The following ZMYM4 variants were observed in gnomAD, a reference collection of about 807,000 sequenced individuals.
ZMYM4 encodes zinc finger MYM-type containing 4, also known as zinc finger MYM-type protein 4.
In ZMYM4, 31 loss-of-function variants were observed where a neutral mutation model predicts 183.2. The ratio of observed to expected loss-of-function variants is 0.17; its 90% CI spans 0.13 to 0.23. The LOEUF is 0.23. Among genes scored for constraint, ZMYM4 ranks in the 10% least tolerant of loss-of-function variants. The pLI, the probability that ZMYM4 is intolerant of heterozygous loss-of-function variation, is 1.00. For synonymous variants in ZMYM4, 592 were observed against 631.2 expected, an observed-to-expected ratio of 0.94 and a Z score of 0.93; for missense variants, 1,273 against 1,840.3, an observed-to-expected ratio of 0.69 and a Z score of 5.64.
chr1:35,395,631 A>G (rs1644795985), intron 18 of ZMYM4, among the ~76,000 whole-genome samples: 1 of 152,218 alleles, frequency 6.6e-6, no homozygotes, highest in Non-Finnish European at 1.5e-5. Flanking sequence ...TAAAAAAATC[A>G]TGAGTCAGAA....
intron 1 of ZMYM4, among the ~76,000 whole-genome samples, chr1:35,279,642 A>T (rs1328842073): frequency 1.3e-5 from 2 of 152,108 alleles, no homozygotes; most frequent in African/African-American, 4.8e-5. Context: ...CTTGTATTTT[A>T]CTATAAATAT....
chr1:35,308,934 A>C (rs1292290968), intron 1 of ZMYM4: 8 of 981,374 alleles, frequency 8.2e-6, no homozygotes, highest in Non-Finnish European at 9.7e-6. Flanking sequence ...AATAATACCA[A>C]ATAATTGACA....
In ZMYM4 at chr1:35,381,630, C is replaced by G; in HGVS notation, c.1441C>G (p.Leu481Val). 6.2e-7 allele frequency: 1 copy of G among 1,614,228 alleles called. No individual in the cohort carries two copies. Among genetic ancestry groups the G allele is most frequent in the Non-Finnish European group, 8.5e-7 (1 of 1,180,048 alleles). ...CFSKFRSANN[L>V]TMNCCENCGG... ...CTCTAAGTTTCGTTCTGCTAACAAC[C>G]TCACCATGAACTGTTGTGAGAACTG... Residue 481 changes from leucine to valine, a missense_variant, in exon 9 of 30, where the codon CTC (leucine) becomes GTC (valine). Around this residue, in one of 6 missense-constraint regions of ZMYM4, gnomAD observed 319 missense variants for 518.1 expected, o/e 0.62. Transcript: ENST00000314607.
At chr1:35,279,059 C>A (rs952894915) in intron 1 of ZMYM4, among the ~76,000 whole-genome samples, 2 of 152,174 alleles carry the variant, frequency 1.3e-5, no homozygotes, top group African/African-American at 4.8e-5. Flanking sequence ...GTGGCTTGAT[C>A]CTCTGCCCTC....
intron 25 of ZMYM4, among the ~76,000 whole-genome samples, chr1:35,405,788 A>G (rs1405941863): frequency 6.7e-6 from 1 of 150,134 alleles, no homozygotes; most frequent in Non-Finnish European, 1.5e-5. Context: ...TTTAAGAAAA[A>G]TACCTGGAAA....
At chr1:35,280,009 C>T (rs1045124941) in intron 1 of ZMYM4, among the ~76,000 whole-genome samples, 2 of 152,198 alleles carry the variant, frequency 1.3e-5, no homozygotes, top group Admixed American at 6.5e-5. Flanking sequence ...TTAAGGCAGT[C>T]TGTACTTTTC....
At chr1:35,367,562 C>T (rs1186191497) in intron 5 of ZMYM4, among the ~76,000 whole-genome samples, 1 of 152,056 alleles carries the variant, frequency 6.6e-6, no homozygotes, top group African/African-American at 2.4e-5. Flanking sequence ...GTTAGGATAG[C>T]ATGATATCAT....
intron 2 of ZMYM4, among the ~76,000 whole-genome samples, chr1:35,349,697 G>T (rs369940370): frequency 6.6e-6 from 1 of 151,766 alleles, no homozygotes; most frequent in South Asian, 2.1e-4. Context: ...AGGCGTGGTG[G>T]TGGGCACCTG....
intron 21 of ZMYM4, 73 bp downstream of exon 21, chr1:35,398,539 CCTTGGATTTCATATTTGTAATTTTA>C: frequency 7.6e-7 from 1 of 1,313,278 alleles, no homozygotes; most frequent in Admixed American, 2.2e-5. Flanking sequence ...ATATTAGTAC[CCTTGGATTTCATATTTGTAATTTTA>C]ACTATTTGTA....
intron 1 of ZMYM4, among the ~76,000 whole-genome samples, chr1:35,288,511 C>T (rs1640612131): frequency 1.3e-5 from 2 of 152,166 alleles, no homozygotes; most frequent in African/African-American, 4.8e-5. Flanking sequence ...TGGTAGAGGC[C>T]CTGCTCGTGA....
chr1:35,296,890 C>T (rs1432338936), intron 1 of ZMYM4, among the ~76,000 whole-genome samples: 12 of 116,810 alleles, frequency 1.0e-4, no homozygotes, highest in African/African-American at 1.9e-4. Context: ...GCTCTTATTG[C>T]CCAGGCTGGA....
chr1:35,332,648 A>C (rs762843934), intron 2 of ZMYM4, among the ~76,000 whole-genome samples: 1 of 152,102 alleles, frequency 6.6e-6, no homozygotes, highest in Non-Finnish European at 1.5e-5. Context: ...ATGGTGGCTC[A>C]GGGATCCAAG....
chr1:35,272,360 G>T (rs1048489524), intron 1 of ZMYM4, among the ~76,000 whole-genome samples: 8 of 152,176 alleles, frequency 5.3e-5, no homozygotes, highest in African/African-American at 1.4e-4. Flanking sequence ...TACATGCTAG[G>T]CATTGTGCTT....
At chr1:35,281,036 G>A (rs1640130189) in intron 1 of ZMYM4, among the ~76,000 whole-genome samples, 1 of 152,104 alleles carries the variant, frequency 6.6e-6, no homozygotes, top group African/African-American at 2.4e-5. Context: ...CGTAATCCCA[G>A]CACATTGAGA....
At chr1:35,333,616 C>T (rs145401849) in intron 2 of ZMYM4, among the ~76,000 whole-genome samples, 2 of 152,104 alleles carry the variant, frequency 1.3e-5, no homozygotes, top group African/African-American at 4.8e-5. Context: ...CCTCACCTTC[C>T]CATATCATTG....
At chr1:35,391,827 G>C (rs1275766633) in intron 15 of ZMYM4, among the ~76,000 whole-genome samples, 1 of 151,254 alleles carries the variant, frequency 6.6e-6, no homozygotes, top group Non-Finnish European at 1.5e-5. Context: ...CGGATCACGA[G>C]GTCAGGAGTT....
rs533872349 is a variant in ZMYM4, at chr1:35,287,859, C to T, written c.39+18774C>T. On this transcript the variant is annotated intron_variant, in intron 1 of 29. Coordinates refer to ENST00000314607, the MANE Select transcript of ZMYM4 (RefSeq NM_005095.3). Reference sequence around the variant, plus strand: ...GACCTCGCGGTCTACCAGCCTTGGCCTCCCAAAATGCTAGGATTACAGACG... The same window carrying T: ...GACCTCGCGGTCTACCAGCCTTGGCTTCCCAAAATGCTAGGATTACAGACG... Among the ~76,000 whole-genome samples the T allele has an allele frequency of 9.2e-5, 14 of 152,280 alleles. No homozygotes were observed. In the East Asian group the frequency reaches 2.7e-3, roughly 29 times the overall value.
intron 1 of ZMYM4, among the ~76,000 whole-genome samples, chr1:35,314,664 A>ATTTTTTTTTTTTTTTTTTTTT (rs769116908): frequency 1.1e-5 from 1 of 88,926 alleles, no homozygotes; most frequent in African/African-American, 4.7e-5. Flanking sequence ...TTCAAAAATG[A>ATTTTTTTTTTTTTTTTTTTTT]TTTTTTTTTT....
chr1:35,313,390 C>CT (rs36112055), intron 1 of ZMYM4, among the ~76,000 whole-genome samples: 99,501 of 131,532 alleles, frequency 0.76, 41,257 homozygotes, highest in Non-Finnish European at 0.95. Context: ...TTTTCTTTTT[C>CT]TTTTTTTTTT....
Sources: gnomAD v4.1 joint callset for allele counts (sites outside exome capture counted in the v4.1 genomes callset) on GRCh38, gnomAD v4.1.1 for gene constraint, gnomAD v4.1.1 regional missense constraint, MANE v1.5 for transcripts, NCBI Gene and HGNC (gene_info 2026-07-23, HGNC 2026-07-21) for gene names.